The following TXK variants were observed in gnomAD, a reference collection of about 807,000 sequenced individuals.
TXK encodes tyrosine-protein kinase TXK.
Under a neutral mutation model 81.0 loss-of-function variants are expected in TXK, and 60 were observed. The observed-to-expected ratio is 0.74, with a 90% CI of 0.60 to 0.92. The LOEUF (loss-of-function observed/expected upper bound fraction) is 0.92, where lower values mean the gene tolerates loss of function less well. Ranked by LOEUF, TXK falls within the 40% of genes least tolerant of loss-of-function variation. The pLI is 0.00. For synonymous variants in TXK, 203 were observed against 210.7 expected (o/e 0.96, Z 0.32); for missense variants, 581 against 638.3 (o/e 0.91, Z 0.97).
intron 4 of TXK, among the ~76,000 whole-genome samples, chr4:48,111,267 A>G (rs935959796): frequency 6.6e-5 from 10 of 152,366 alleles, no homozygotes; most frequent in Admixed American, 1.3e-4. Context: ...AAGTTGCAGA[A>G]TCATGCAGAA....
At chr4:48,116,629 T>C (rs1718820947) in intron 1 of TXK, among the ~76,000 whole-genome samples, 1 of 152,138 alleles carries the variant, frequency 6.6e-6, no homozygotes, top group Non-Finnish European at 1.5e-5. Context: ...GAAAAGAGCA[T>C]GTATCATCCA....
intron 10 of TXK, among the ~76,000 whole-genome samples, chr4:48,082,578 A>G (rs1717349479): frequency 6.6e-6 from 1 of 152,224 alleles, no homozygotes; most frequent in Non-Finnish European, 1.5e-5. Flanking sequence ...GACAGGAGAC[A>G]GGGAAATACT....
Position 48,111,792 on chromosome 4 carries a change from G to C in TXK, c.380+515C>G, listed in dbSNP as rs548022677. On this transcript the variant is annotated intron_variant, in intron 4 of 14. Transcript: ENST00000264316. The stretch of plus-strand genomic sequence containing the variant: ...CTTCTCAACTCAGGACTCCAGTCAG[G>C]CATTAACCATCTGTTGCAATTGGCA... 3.2e-4 allele frequency among the ~76,000 whole-genome samples: 48 copies of C among 152,306 alleles called. No individual in the cohort carries two copies. In the South Asian group the frequency reaches 8.7e-3, roughly 28 times the overall value.
intron 6 of TXK, among the ~76,000 whole-genome samples, chr4:48,096,999 A>G (rs1226517420): frequency 6.6e-6 from 1 of 152,226 alleles, no homozygotes; most frequent in Non-Finnish European, 1.5e-5. Context: ...AGCAATAAAA[A>G]TAAGCATATT....
At chr4:48,104,584 A>T (rs961716159) in intron 6 of TXK, among the ~76,000 whole-genome samples, 1 of 24,312 alleles carries the variant, frequency 4.1e-5, no homozygotes, top group African/African-American at 1.3e-4. Context: ...TATATATATT[A>T]TATATATATA....
chr4:48,068,795 C>T (rs1013498427), intron 14 of TXK, among the ~76,000 whole-genome samples: 11 of 152,034 alleles, frequency 7.2e-5, no homozygotes, highest in Non-Finnish European at 1.5e-4. Context: ...GTAGGGTCAG[C>T]GGAAAGACAC....
rs183080866 is a variant in TXK at position 48,128,086 on chromosome 4, C to T, written c.16+6069G>A. Among the ~76,000 whole-genome samples the T allele has an allele frequency of 7.9e-5, 12 of 152,340 alleles. No homozygotes were observed. In the East Asian group the frequency reaches 1.9e-3, roughly 24 times the overall value. On this transcript the variant is annotated intron_variant, in intron 1 of 14. Coordinates refer to ENST00000264316, the MANE Select transcript of TXK (RefSeq NM_003328.3). The stretch of plus-strand genomic sequence containing the variant: ...GCTGCGCGGGAAGCAAAGCCGCTGT[C>T]GCTTCCTCATGTCTAATGTTTTGAA...
At chr4:48,124,282 C>T (rs1036019914) in intron 1 of TXK, among the ~76,000 whole-genome samples, 1 of 152,144 alleles carries the variant, frequency 6.6e-6, no homozygotes, top group Admixed American at 6.5e-5. Context: ...TTCTAACACC[C>T]ACACCACCAC....
At chr4:48,104,811 G>T (rs1718398246) in intron 6 of TXK, 90 bp downstream of exon 6, 2 of 987,424 alleles carry the variant, frequency 2.0e-6, no homozygotes, top group Non-Finnish European at 1.5e-6. Context: ...AACTAGAAAA[G>T]ACAAGAAATA....
intron 6 of TXK, among the ~76,000 whole-genome samples, chr4:48,097,967 T>TA (rs1477995830): frequency 6.6e-6 from 1 of 151,718 alleles, no homozygotes; most frequent in Non-Finnish European, 1.5e-5. Flanking sequence ...CAGGATGGTC[T>TA]CGATCTCCTC....
intron 1 of TXK, among the ~76,000 whole-genome samples, chr4:48,131,172 A>G (rs1220564983): frequency 1.3e-5 from 2 of 151,932 alleles, no homozygotes; most frequent in Non-Finnish European, 2.9e-5. Flanking sequence ...CTGAGACCCC[A>G]CTCCAAATCT....
intron 10 of TXK, among the ~76,000 whole-genome samples, chr4:48,083,253 C>T (rs974823289): frequency 6.6e-6 from 1 of 152,186 alleles, no homozygotes; most frequent in Non-Finnish European, 1.5e-5. Context: ...CTGCATGCTC[C>T]CCATCCTGTA....
chr4:48,083,554 C>T (rs543646683), intron 10 of TXK, among the ~76,000 whole-genome samples: 343 of 152,316 alleles, frequency 2.3e-3, no homozygotes, highest in African/African-American at 8.0e-3. Flanking sequence ...AGACTTGTCT[C>T]AGAAACATTT....
chr4:48,131,256 T>C (rs1054901888), intron 1 of TXK, among the ~76,000 whole-genome samples: 9 of 152,102 alleles, frequency 5.9e-5, no homozygotes, highest in African/African-American at 2.2e-4. Context: ...GAAGCCAGGA[T>C]TCTATGACAA....
intron 8 of TXK, among the ~76,000 whole-genome samples, chr4:48,092,879 G>A (rs1426826019): frequency 6.6e-6 from 1 of 152,128 alleles, no homozygotes; most frequent in Non-Finnish European, 1.5e-5. Flanking sequence ...CACAGACAGG[G>A]GATTTGCTAA....
intron 10 of TXK, 129 bp downstream of exon 10, chr4:48,086,337 G>T: frequency 2.3e-6 from 2 of 855,292 alleles, no homozygotes; most frequent in Non-Finnish European, 3.8e-6. Context: ...CAAATAATGT[G>T]CCTGGGTTAC....
intron 6 of TXK, among the ~76,000 whole-genome samples, chr4:48,100,171 C>CAAAAAAA (rs11341305): frequency 4.3e-4 from 23 of 53,928 alleles, no homozygotes; most frequent in African/African-American, 6.1e-4. Flanking sequence ...GACTCCATCT[C>CAAAAAAA]AAAAAAAAAA....
At chr4:48,130,563 C>T (rs973111391) in intron 1 of TXK, among the ~76,000 whole-genome samples, 4 of 152,094 alleles carry the variant, frequency 2.6e-5, no homozygotes, top group African/African-American at 7.2e-5. Flanking sequence ...TCAGAGGTGA[C>T]GTTCCATCAC....
At chr4:48,115,431 T>C (rs1718775810) in intron 1 of TXK, among the ~76,000 whole-genome samples, 1 of 152,158 alleles carries the variant, frequency 6.6e-6, no homozygotes, top group Non-Finnish European at 1.5e-5. Context: ...GCTCTTACTA[T>C]GGAATAAGCT....
Sources: gnomAD v4.1 joint callset for allele counts (sites outside exome capture counted in the v4.1 genomes callset) on GRCh38, gnomAD v4.1.1 for gene constraint, MANE v1.5 for transcripts, NCBI Gene and HGNC (gene_info 2026-07-23, HGNC 2026-07-21) for gene names.